The following ITM2B variants were observed in gnomAD, a reference collection of about 807,000 sequenced individuals.
ITM2B encodes integral membrane protein 2B.
In ITM2B, 11 loss-of-function variants were observed where a neutral mutation model predicts 27.8. The observed-to-expected ratio is 0.40, with a 90% CI of 0.25 to 0.66. The LOEUF is 0.66. ITM2B is among the 30% of genes least tolerant of loss of function. The pLI is 0.43. For missense variants in ITM2B, 296 were observed against 328.9 expected, an observed-to-expected ratio of 0.90 and a Z score of 0.77; for synonymous variants, 114 against 114.3, an observed-to-expected ratio of 1.00 and a Z score of 0.02.
chr13:48,246,200 A>G (rs1951723688), intron 1 of ITM2B, among the ~76,000 whole-genome samples: 1 of 152,224 alleles, frequency 6.6e-6, no homozygotes, highest in Non-Finnish European at 1.5e-5. Flanking sequence ...ATTTAACTTA[A>G]CTAAATGAAA....
At chr13:48,248,789 C>T (rs1951737367) in intron 1 of ITM2B, among the ~76,000 whole-genome samples, 1 of 152,204 alleles carries the variant, frequency 6.6e-6, no homozygotes, top group Non-Finnish European at 1.5e-5. Flanking sequence ...TGTCCTGGGC[C>T]ACACACGGCC....
intron 1 of ITM2B, among the ~76,000 whole-genome samples, chr13:48,234,697 T>C (rs1287221806): frequency 6.6e-6 from 1 of 152,242 alleles, no homozygotes; most frequent in Non-Finnish European, 1.5e-5. Context: ...AATCTTACTT[T>C]CTGGAAATGT....
chr13:48,239,901 A>G (rs1951690072), intron 1 of ITM2B, among the ~76,000 whole-genome samples: 1 of 152,090 alleles, frequency 6.6e-6, no homozygotes, highest in Non-Finnish European at 1.5e-5. Context: ...ATATTTTTTA[A>G]TGGTTGGGAA....
chr13:48,261,201 G>A lies in ITM2B; in HGVS notation c.778G>A (p.Val260Met), dbSNP rs373968526. The change falls in exon 6 of 6, where the codon GTG becomes ATG. Residue 260 changes from valine (V) to methionine (M), a missense_variant. Val to Met is a conservative substitution (Grantham distance 21). Coordinates refer to ENST00000647800, the MANE Select transcript of ITM2B (RefSeq NM_021999.5). The part of the protein sequence containing the change: ...AIRHFENKFA[V>M]ETLICS ...TCGGCATTTTGAAAACAAATTTGCC[G>A]TGGAAACTTTAATTTGTTCTTGAAC... The A allele has an allele frequency of 6.8e-6, 11 of 1,611,482 alleles. 1 individual carries two copies. The highest frequency in any genetic ancestry group is 5.3e-5 in the African/African-American group (4 of 74,830).
chr13:48,255,255 G>GCA (rs1491116760), intron 2 of ITM2B, among the ~76,000 whole-genome samples: 1 of 150,532 alleles, frequency 6.6e-6, no homozygotes, highest in Non-Finnish European at 1.5e-5. Flanking sequence ...GTGTGTGTGT[G>GCA]CGCGCGCGTG....
At chr13:48,249,520 A>T (rs1031194169) in intron 1 of ITM2B, among the ~76,000 whole-genome samples, 1 of 152,184 alleles carries the variant, frequency 6.6e-6, no homozygotes. Flanking sequence ...TAGTTTAAAT[A>T]ATTTGACTTT....
chr13:48,254,101 T>G (rs1951772005), intron 2 of ITM2B, among the ~76,000 whole-genome samples, 165 bp downstream of exon 2: 1 of 152,154 alleles, frequency 6.6e-6, no homozygotes, highest in Non-Finnish European at 1.5e-5. Context: ...CATCTCTCCA[T>G]GATATGTTTG....
intron 1 of ITM2B, among the ~76,000 whole-genome samples, chr13:48,247,071 C>T (rs935789039): frequency 1.3e-5 from 2 of 152,202 alleles, no homozygotes; most frequent in Non-Finnish European, 2.9e-5. Flanking sequence ...TGTGATCCAC[C>T]TGCCTCAGTC....
chr13:48,239,433 G>A (rs1484368512), intron 1 of ITM2B, among the ~76,000 whole-genome samples: 3 of 152,202 alleles, frequency 2.0e-5, no homozygotes, highest in Admixed American at 1.3e-4. Flanking sequence ...TCAGGAGTTC[G>A]AGATAAGCCT....
At chr13:48,252,972 A>G (rs1329321916) in intron 1 of ITM2B, among the ~76,000 whole-genome samples, 1 of 152,216 alleles carries the variant, frequency 6.6e-6, no homozygotes, top group African/African-American at 2.4e-5. Flanking sequence ...GGGAATATCT[A>G]GGAATTATGA....
intron 1 of ITM2B, among the ~76,000 whole-genome samples, chr13:48,249,593 C>T (rs1387951905): frequency 6.6e-6 from 1 of 152,028 alleles, no homozygotes; most frequent in Non-Finnish European, 1.5e-5. Context: ...TTTTCTAATA[C>T]CTAATCTTTT....
At chr13:48,247,974 A>G (rs549883089) in intron 1 of ITM2B, among the ~76,000 whole-genome samples, 28 of 151,930 alleles carry the variant, frequency 1.8e-4, no homozygotes, top group Admixed American at 1.4e-3. Context: ...GCGCGATGCA[A>G]GGTGCACCAG....
chr13:48,245,509 A>G (rs1951719572), intron 1 of ITM2B, among the ~76,000 whole-genome samples: 1 of 151,792 alleles, frequency 6.6e-6, no homozygotes, highest in Non-Finnish European at 1.5e-5. Flanking sequence ...GTTATGATCC[A>G]GTTCTAAATG....
In ITM2B at chr13:48,244,515, T is replaced by C. The variant is rs557759633; in HGVS notation, c.118-9293T>C. Among the ~76,000 whole-genome samples, 10 of 152,352 alleles carry C rather than the reference T, an allele frequency of 6.6e-5. No homozygotes were observed. The East Asian group carries it at 1.3e-3, about 21-fold the overall frequency. ...AGTCATCTTGTTTAACATTTAGAAT[T>C]CCAAACTTGGACAGAAATTTTCTCT... On this transcript the variant is annotated intron_variant, in intron 1 of 5. Transcript: ENST00000647800.
In ITM2B at chr13:48,264,831, C is replaced by T. The variant is rs1307841200; in HGVS notation, c.*3607C>T. On this transcript the variant is annotated 3_prime_UTR_variant, in exon 6 of 6. Transcript: ENST00000647800. ...GAAGAAGCATGATTTAGTCTCAGCTCTCTATTGATCATTTTAGGCTTTTAT... is the reference window on the plus strand; with the variant it reads ...GAAGAAGCATGATTTAGTCTCAGCTTTCTATTGATCATTTTAGGCTTTTAT... The T allele has an allele frequency of 6.6e-6, 1 of 152,178 alleles. No individual in the cohort carries two copies. The highest frequency in any genetic ancestry group is 1.5e-5 in the Non-Finnish European group (1 of 68,034). The allele number at this position is 152,178 out of a possible 1,614,324, so 9.4% of individuals were successfully genotyped here. A position where few individuals can be genotyped will look rare whatever the true frequency, so the allele number is the denominator to read the frequency against.
At chr13:48,245,761 G>C (rs1302182243) in intron 1 of ITM2B, among the ~76,000 whole-genome samples, 16 of 150,240 alleles carry the variant, frequency 1.1e-4, no homozygotes, top group Admixed American at 1.1e-3. Context: ...CTGTTTTATA[G>C]ACCTTGTAGT....
Position 48,263,727 on chromosome 13 carries a change from C to T in ITM2B, c.*2503C>T, listed in dbSNP as rs1951834944. ...TGTCTGATGAGGTCCTCCTTCCTCA[C>T]AGAAAGCTCTCTTCTCTCTGTGACC... On this transcript the variant is annotated 3_prime_UTR_variant, in exon 6 of 6. Coordinates refer to ENST00000647800, the MANE Select transcript of ITM2B (RefSeq NM_021999.5). The T allele has an allele frequency of 6.6e-6, 1 of 152,208 alleles. No individual in the cohort carries two copies. Among genetic ancestry groups the T allele is most frequent in the Non-Finnish European group, 1.5e-5 (1 of 68,068 alleles). 9.4% of individuals were successfully genotyped at this position (152,208 alleles called of 1,614,324 possible).
At chr13:48,254,251 ATTGCCAG>A (rs1951772882) in intron 2 of ITM2B, among the ~76,000 whole-genome samples, 1 of 152,184 alleles carries the variant, frequency 6.6e-6, no homozygotes, top group African/African-American at 2.4e-5. Context: ...AGTATTATCA[ATTGCCAG>A]TTGAATAAAT....
chr13:48,247,541 TAA>T (rs952771667), intron 1 of ITM2B, among the ~76,000 whole-genome samples: 4 of 152,166 alleles, frequency 2.6e-5, no homozygotes, highest in Non-Finnish European at 5.9e-5. Context: ...CCTAAGAATA[TAA>T]AGTGATTTGT....
Sources: gnomAD v4.1 joint callset for allele counts (sites outside exome capture counted in the v4.1 genomes callset) on GRCh38, gnomAD v4.1.1 for gene constraint, MANE v1.5 for transcripts, NCBI Gene and HGNC (gene_info 2026-07-23, HGNC 2026-07-21) for gene names.